MDGA2: variants seen among roughly 807,000 people sequenced by gnomAD.
The protein encoded by MDGA2 is MAM domain-containing glycosylphosphatidylinositol anchor protein 2.
Under a neutral mutation model 117.8 loss-of-function variants are expected in MDGA2, and 40 were observed. The observed-to-expected ratio is 0.34, with a 90% CI of 0.26 to 0.44. MDGA2 has a LOEUF of 0.44. Among genes scored for constraint, MDGA2 ranks in the 20% least tolerant of loss-of-function variants. The pLI is 1.00. For synonymous variants in MDGA2, 452 were observed against 439.0 expected (o/e 1.03, Z -0.37); for missense variants, 1,123 against 1,250.6 (o/e 0.90, Z 1.54).
At chr14:47,371,512 T>C (rs1891358368) in intron 1 of MDGA2, among the ~76,000 whole-genome samples, 1 of 151,820 alleles carries the variant, frequency 6.6e-6, no homozygotes, top group African/African-American at 2.4e-5. Flanking sequence ...ATTTTTATAT[T>C]CTGAATAAGA....
At chr14:47,361,097 T>A (rs1045252723) in intron 1 of MDGA2, among the ~76,000 whole-genome samples, 1 of 151,968 alleles carries the variant, frequency 6.6e-6, no homozygotes, top group African/African-American at 2.4e-5. Context: ...ACCAAAAAAT[T>A]GTATAATAAC....
chr14:47,467,997 C>A (rs1212988066), intron 1 of MDGA2, among the ~76,000 whole-genome samples: 7 of 152,064 alleles, frequency 4.6e-5, no homozygotes, highest in Non-Finnish European at 1.0e-4. Context: ...AGACCTTATC[C>A]TATAATAATG....
At chr14:47,052,324 T>C (rs1460092240) in intron 7 of MDGA2, among the ~76,000 whole-genome samples, 1 of 151,880 alleles carries the variant, frequency 6.6e-6, no homozygotes, top group South Asian at 2.1e-4. Context: ...AAAAAGTATT[T>C]AATATTATCA....
intron 1 of MDGA2, among the ~76,000 whole-genome samples, chr14:47,413,144 G>A (rs1210612003): frequency 6.6e-6 from 1 of 152,020 alleles, no homozygotes; most frequent in Non-Finnish European, 1.5e-5. Flanking sequence ...ATTAAACCTG[G>A]CCTATCATTA....
chr14:47,317,419 ATACT>A (rs931295479), intron 1 of MDGA2, among the ~76,000 whole-genome samples: 22 of 152,250 alleles, frequency 1.4e-4, no homozygotes, highest in Admixed American at 3.3e-4. Flanking sequence ...CAAATCAAAA[ATACT>A]TACTTATGTC....
intron 1 of MDGA2, among the ~76,000 whole-genome samples, chr14:47,467,244 C>T (rs1278515681): frequency 6.6e-6 from 1 of 152,010 alleles, no homozygotes; most frequent in Admixed American, 6.6e-5. Context: ...TTTCCTTTAC[C>T]CTCATCAAAG....
At chr14:47,251,321 C>G (rs1184402087) in intron 2 of MDGA2, among the ~76,000 whole-genome samples, 1 of 152,200 alleles carries the variant, frequency 6.6e-6, no homozygotes, top group African/African-American at 2.4e-5. Flanking sequence ...ATTCAGATCT[C>G]AGCAAGATAA....
chr14:47,472,736 T>A (rs568302814), intron 1 of MDGA2, among the ~76,000 whole-genome samples: 107 of 152,182 alleles, frequency 7.0e-4, no homozygotes, highest in Non-Finnish European at 1.5e-3. Flanking sequence ...TGCAAGAAGC[T>A]GTGGAGAGGG....
At chr14:47,211,499 A>C (rs1885882209) in intron 3 of MDGA2, among the ~76,000 whole-genome samples, 1 of 152,158 alleles carries the variant, frequency 6.6e-6, no homozygotes. Context: ...GGTTTTTGAC[A>C]CAGCTAAGAG....
intron 1 of MDGA2, among the ~76,000 whole-genome samples, chr14:47,647,816 T>A (rs1284167797): frequency 3.9e-5 from 6 of 152,172 alleles, no homozygotes; most frequent in Non-Finnish European, 8.8e-5. Context: ...CATTGTAGCA[T>A]CTTTGTCATT....
intron 8 of MDGA2, among the ~76,000 whole-genome samples, chr14:47,031,637 T>C (rs934382965): frequency 6.6e-6 from 1 of 152,204 alleles, no homozygotes; most frequent in African/African-American, 2.4e-5. Flanking sequence ...TATTGAAATG[T>C]AATCCTCAGT....
chr14:47,263,911 C>G (rs776421574), intron 2 of MDGA2, among the ~76,000 whole-genome samples: 3 of 152,064 alleles, frequency 2.0e-5, no homozygotes, highest in African/African-American at 4.8e-5. Flanking sequence ...AAGCACCAAC[C>G]AACCTGTGAC....
intron 5 of MDGA2, among the ~76,000 whole-genome samples, chr14:47,106,020 G>A (rs1350225910): frequency 1.3e-5 from 2 of 151,750 alleles, no homozygotes; most frequent in African/African-American, 2.4e-5. Context: ...TCTTAAAAAG[G>A]TGGCTGGAGC....
At chr14:47,604,490 C>A (rs1211226904) in intron 1 of MDGA2, among the ~76,000 whole-genome samples, 4 of 130,466 alleles carry the variant, frequency 3.1e-5, no homozygotes, top group Non-Finnish European at 6.5e-5. Flanking sequence ...CTTCCCCACC[C>A]CCCCCCACCC....
At position 47,585,621 on chromosome 14, in the gene MDGA2, G is replaced by A. The variant is rs540098300; in HGVS notation, c.280+88896C>T. 3.0e-4 allele frequency among the ~76,000 whole-genome samples: 46 copies of A among 151,878 alleles called. 2 individuals carry two copies. The highest frequency in any genetic ancestry group is 1.1e-3 in the African/African-American group (44 of 41,486). On this transcript the variant is annotated intron_variant, in intron 1 of 16. Coordinates refer to ENST00000399232, the MANE Select transcript of MDGA2 (RefSeq NM_001113498.3). Reference sequence around the variant, plus strand: ...AATGTAAGCCAACAGAAGCCAAAAGGAGAGTGATTCACCGGCTCCCATAAC... The same window carrying A: ...AATGTAAGCCAACAGAAGCCAAAAGAAGAGTGATTCACCGGCTCCCATAAC...
At chr14:47,108,650 T>C (rs1271234670) in intron 5 of MDGA2, among the ~76,000 whole-genome samples, 1 of 152,104 alleles carries the variant, frequency 6.6e-6, no homozygotes, top group Non-Finnish European at 1.5e-5. Context: ...GCCCCACCCT[T>C]ATCTCCCTTC....
chr14:47,665,486 G>T (rs931641113), intron 1 of MDGA2, among the ~76,000 whole-genome samples: 1 of 152,182 alleles, frequency 6.6e-6, no homozygotes, highest in African/African-American at 2.4e-5. Flanking sequence ...CTCCGGGCTG[G>T]CTGAGGCTGG....
chr14:47,178,683 T>C (rs1003787887), intron 3 of MDGA2, among the ~76,000 whole-genome samples: 1 of 152,156 alleles, frequency 6.6e-6, no homozygotes, highest in Middle Eastern at 3.2e-3. Flanking sequence ...ATATAAGCCA[T>C]CATCATCTTG....
Position 46,864,164 on chromosome 14 carries a change from T to C in MDGA2, c.2753-9010A>G, listed in dbSNP as rs375616812. On this transcript the variant is annotated intron_variant, in intron 14 of 16. Transcript: ENST00000399232. ...CTAGGGTGAGAGTGGTGGGAGGAGATTGGAGAAAGGGACAGAAAAGTTTTG... is the reference window on the plus strand; with the variant it reads ...CTAGGGTGAGAGTGGTGGGAGGAGACTGGAGAAAGGGACAGAAAAGTTTTG... Among the ~76,000 whole-genome samples, 60 of 145,710 alleles carry C rather than the reference T, an allele frequency of 4.1e-4. 3 individuals are homozygous for C. The South Asian group carries it at 8.5e-3, about 21-fold the overall frequency.
Sources: gnomAD v4.1 joint callset for allele counts (sites outside exome capture counted in the v4.1 genomes callset) on GRCh38, gnomAD v4.1.1 for gene constraint, MANE v1.5 for transcripts, NCBI Gene and HGNC (gene_info 2026-07-23, HGNC 2026-07-21) for gene names.